RSL24D1: variants seen among roughly 807,000 people sequenced by gnomAD.
RSL24D1 encodes probable ribosome biogenesis protein RLP24.
A neutral mutation model predicts 26.2 loss-of-function variants in RSL24D1; 6 were observed. The ratio of observed to expected loss-of-function variants is 0.23; its 90% CI spans 0.13 to 0.45. The LOEUF is 0.45. Ranked by LOEUF, RSL24D1 falls within the 20% of genes least tolerant of loss-of-function variation. The probability of loss-of-function intolerance (pLI) is 0.99; values close to 1 mark genes in which losing one functional copy is unlikely to be tolerated. For missense variants in RSL24D1, 176 were observed against 202.6 expected (o/e 0.87, Z 0.80); for synonymous variants, 61 against 59.1 (o/e 1.03, Z -0.15).
At chr15:55,188,773 A>C (rs1286721782) in intron 3 of RSL24D1, among the ~76,000 whole-genome samples, 1 of 152,230 alleles carries the variant, frequency 6.6e-6, no homozygotes, top group African/African-American at 2.4e-5. Flanking sequence ...TTTCAACAAC[A>C]ACCTAAATAC....
intron 4 of RSL24D1, among the ~76,000 whole-genome samples, chr15:55,184,330 T>C (rs910722325): frequency 3.3e-5 from 5 of 152,158 alleles, no homozygotes; most frequent in African/African-American, 1.2e-4. Context: ...ATGGGCCACT[T>C]AGAACTTCAA....
chr15:55,194,710 G>C (rs1294005788), intron 1 of RSL24D1, among the ~76,000 whole-genome samples: 1 of 151,692 alleles, frequency 6.6e-6, no homozygotes, highest in Non-Finnish European at 1.5e-5. Context: ...AAGAGTAAAA[G>C]GTGAAGTTTC....
intron 2 of RSL24D1, among the ~76,000 whole-genome samples, chr15:55,192,094 A>G (rs936256073): frequency 4.6e-5 from 7 of 152,316 alleles, no homozygotes; most frequent in African/African-American, 1.7e-4. Context: ...GAAATGGGTC[A>G]TTGGTTTGGT....
intron 2 of RSL24D1, among the ~76,000 whole-genome samples, chr15:55,192,171 C>G (rs1276462928): frequency 1.3e-5 from 2 of 152,154 alleles, no homozygotes; most frequent in Non-Finnish European, 2.9e-5. Flanking sequence ...GTAGCCTGTA[C>G]TGCATTTTCA....
intron 3 of RSL24D1, among the ~76,000 whole-genome samples, chr15:55,186,299 A>G (rs184122394): frequency 1.3e-5 from 2 of 152,304 alleles, no homozygotes; most frequent in Admixed American, 1.3e-4. Flanking sequence ...TAAGATATTT[A>G]TATAGTCTTA....
At chr15:55,196,727 C>A in intron 1 of RSL24D1, 83 bp downstream of exon 1, 1 of 1,347,742 alleles carries the variant, frequency 7.4e-7, no homozygotes, top group Non-Finnish European at 1.1e-6. Context: ...ACACGGCAGA[C>A]GCAGAAGCAC....
At chr15:55,183,770 T>C (rs1894195154) in intron 4 of RSL24D1, among the ~76,000 whole-genome samples, 2 of 152,334 alleles carry the variant, frequency 1.3e-5, no homozygotes, top group South Asian at 2.1e-4. Flanking sequence ...AGTGGTTTTT[T>C]AGTTCGTAAT....
chr15:55,182,654 C>T (rs1894181185), intron 5 of RSL24D1, among the ~76,000 whole-genome samples: 1 of 152,096 alleles, frequency 6.6e-6, no homozygotes, highest in Admixed American at 6.6e-5. Flanking sequence ...TTTTGACTAT[C>T]AGTTTGTTAT....
chr15:55,188,173 A>C (rs1384403828), intron 3 of RSL24D1, among the ~76,000 whole-genome samples: 1 of 152,230 alleles, frequency 6.6e-6, no homozygotes, highest in Non-Finnish European at 1.5e-5. Context: ...ATGATACTGA[A>C]ATACGAGGGG....
rs1894171303 is a variant in RSL24D1, at chr15:55,181,929, A to G, written c.*223T>C. The stretch of plus-strand genomic sequence containing the variant: ...AATTCACTTCTATAGTTACAAGTAG[A>G]ATTTTCATGATTTACTTAAGTACAT... On this transcript the variant is annotated 3_prime_UTR_variant, in exon 6 of 6. Transcript: ENST00000260443. 4.4e-6 allele frequency: 2 copies of G among 451,354 alleles called. No homozygotes were observed. The allele number at this position is 451,354 out of a possible 1,614,324, so 28.0% of individuals were successfully genotyped here. A position where few individuals can be genotyped will look rare whatever the true frequency, so the allele number is the denominator to read the frequency against.
chr15:55,192,516 G>T, intron 2 of RSL24D1: 1 of 417,882 alleles, frequency 2.4e-6, no homozygotes, highest in Non-Finnish European at 4.3e-6. Context: ...CTCTTGGTCT[G>T]CAAGAGCTAA....
At chr15:55,193,600 A>G (rs1194439665) in intron 1 of RSL24D1, among the ~76,000 whole-genome samples, 2 of 152,362 alleles carry the variant, frequency 1.3e-5, no homozygotes, top group East Asian at 3.9e-4. Flanking sequence ...AAGGTATGAC[A>G]GATAATAGGT....
intron 1 of RSL24D1, chr15:55,195,401 G>A (rs1299868942): frequency 1.3e-5 from 2 of 152,176 alleles, no homozygotes; most frequent in African/African-American, 2.4e-5. Flanking sequence ...TTCTTTGTTA[G>A]TGCTTCAGGC....
At chr15:55,188,951 G>A (rs1270523465) in intron 3 of RSL24D1, among the ~76,000 whole-genome samples, 2 of 152,126 alleles carry the variant, frequency 1.3e-5, no homozygotes, top group African/African-American at 4.8e-5. Flanking sequence ...CAGCACTTTG[G>A]GAGGCCAAGG....
At chr15:55,190,249 CAAAAAAAAAAAA>C (rs57254193) in intron 3 of RSL24D1, among the ~76,000 whole-genome samples, 5 of 34,496 alleles carry the variant, frequency 1.4e-4, no homozygotes, top group Admixed American at 3.7e-4. Flanking sequence ...CTTTCCAACT[CAAAAAAAAAAAA>C]AAAAAAAAAA....
chr15:55,189,444 G>A (rs999834189), intron 3 of RSL24D1, among the ~76,000 whole-genome samples: 1 of 152,166 alleles, frequency 6.6e-6, no homozygotes. Flanking sequence ...GAGACCCAAA[G>A]GGTACAATAA....
intron 1 of RSL24D1, chr15:55,196,335 G>A (rs1894355323): frequency 2.2e-6 from 1 of 456,948 alleles, no homozygotes; most frequent in South Asian, 1.5e-5. Flanking sequence ...TTTCCGTACA[G>A]GACCCTCCCC....
chr15:55,193,596 T>A (rs1894323162), intron 1 of RSL24D1, among the ~76,000 whole-genome samples: 1 of 152,228 alleles, frequency 6.6e-6, no homozygotes, highest in African/African-American at 2.4e-5. Context: ...CTAAAAGGTA[T>A]GACAGATAAT....
At chr15:55,194,464 T>A (rs1894332735) in intron 1 of RSL24D1, 1 of 152,134 alleles carries the variant, frequency 6.6e-6, no homozygotes, top group African/African-American at 2.4e-5. Context: ...GTGGATGGCT[T>A]ATGTGTCAGG....
Sources: allele counts gnomAD v4.1 joint callset (sites outside exome capture counted in the v4.1 genomes callset), GRCh38; gene constraint gnomAD v4.1.1; transcripts MANE v1.5; gene names NCBI Gene and HGNC (gene_info 2026-07-23, HGNC 2026-07-21).